The following SIM1 variants were observed in gnomAD, a reference collection of about 807,000 sequenced individuals.
SIM1 encodes the protein single-minded homolog 1.
In SIM1, 18 loss-of-function variants were observed where a neutral mutation model predicts 78.2. The observed-to-expected ratio is 0.23, with a 90% confidence interval of 0.16 to 0.34. The LOEUF is 0.34. SIM1 is among the 10% of genes least tolerant of loss of function. The pLI, the probability that SIM1 is intolerant of heterozygous loss-of-function variation, is 1.00. For synonymous variants in SIM1, 417 were observed against 385.2 expected (o/e 1.08, Z -0.97); for missense variants, 939 against 975.1 (o/e 0.96, Z 0.49).
At chr6:100,446,435 A>T (rs1188648811) in intron 9 of SIM1, among the ~76,000 whole-genome samples, 1 of 152,242 alleles carries the variant, frequency 6.6e-6, no homozygotes, top group Non-Finnish European at 1.5e-5. Flanking sequence ...AGAGCGCAAC[A>T]GCACACACAA....
chr6:100,390,032 C>T lies in SIM1; in HGVS notation c.*329G>A, dbSNP rs1562229037. Reference sequence around the variant, plus strand: ...GTGTGTTTGAGGATCACTGGATAGTCACAATGCAATGTTGTCATTCATCAG... The same window carrying T: ...GTGTGTTTGAGGATCACTGGATAGTTACAATGCAATGTTGTCATTCATCAG... On this transcript the variant is annotated 3_prime_UTR_variant, in exon 12 of 12. Coordinates refer to ENST00000369208, the MANE Select transcript of SIM1 (RefSeq NM_005068.3). 1 of 401,554 alleles carries T rather than the reference C, an allele frequency of 2.5e-6. No individual in the cohort carries two copies. 24.9% of individuals were successfully genotyped at this position (401,554 alleles called of 1,614,324 possible).
intron 9 of SIM1, among the ~76,000 whole-genome samples, chr6:100,429,813 A>T (rs1771855548): frequency 6.6e-6 from 1 of 152,186 alleles, no homozygotes; most frequent in Non-Finnish European, 1.5e-5. Flanking sequence ...ACATTTCCAG[A>T]ATTTCTTCTT....
intron 10 of SIM1, among the ~76,000 whole-genome samples, chr6:100,419,228 T>A (rs1287945789): frequency 6.6e-6 from 1 of 152,202 alleles, no homozygotes; most frequent in Admixed American, 6.5e-5. Flanking sequence ...ATATATTTTA[T>A]AAGTTAAGTG....
At position 100,389,930 on chromosome 6, in the gene SIM1, C is replaced by A. The variant is rs985566567; in HGVS notation, c.*431G>T. ...TGTGACAGAGTCAAAGAAAATTACC[C>A]ATTTTTGATGTATTTACATTACATA... On this transcript the variant is annotated 3_prime_UTR_variant, in exon 12 of 12. Coordinates refer to ENST00000369208, the MANE Select transcript of SIM1 (RefSeq NM_005068.3). 6.4e-5 allele frequency: 25 copies of A among 393,092 alleles called. No homozygotes were observed. Among genetic ancestry groups the A allele is most frequent in the African/African-American group, 4.9e-4 (24 of 48,596 alleles). The allele number at this position is 393,092 out of a possible 1,614,324, so 24.4% of individuals were successfully genotyped here. A position where few individuals can be genotyped will look rare whatever the true frequency, so the allele number is the denominator to read the frequency against.
At chr6:100,423,744 T>G (rs1032176679) in intron 9 of SIM1, among the ~76,000 whole-genome samples, 17 of 152,188 alleles carry the variant, frequency 1.1e-4, no homozygotes, top group Non-Finnish European at 1.5e-4. Context: ...AAAACTCAGA[T>G]GGGCTGTGAG....
At chr6:100,444,630 G>A (rs1429528533) in intron 9 of SIM1, among the ~76,000 whole-genome samples, 1 of 152,024 alleles carries the variant, frequency 6.6e-6, no homozygotes, top group Non-Finnish European at 1.5e-5. Flanking sequence ...AAAGCATCAA[G>A]GCGTATACCA....
chr6:100,393,084 A>G (rs1187623998), intron 11 of SIM1, among the ~76,000 whole-genome samples: 7 of 152,184 alleles, frequency 4.6e-5, no homozygotes, highest in Admixed American at 3.3e-4. Flanking sequence ...CCTCTCCAAC[A>G]TATCAATAGT....
chr6:100,414,630 T>C (rs1037208317), intron 10 of SIM1, among the ~76,000 whole-genome samples: 1 of 152,210 alleles, frequency 6.6e-6, no homozygotes, highest in Admixed American at 6.5e-5. Context: ...TCTGGCAAAA[T>C]GCATTAAAAA....
chr6:100,430,855 A>C (rs1180617009), intron 9 of SIM1, among the ~76,000 whole-genome samples: 1 of 152,134 alleles, frequency 6.6e-6, no homozygotes, highest in East Asian at 1.9e-4. Context: ...GGAGGGGTGA[A>C]GGGAGCATAC....
chr6:100,420,662 C>T, intron 10 of SIM1, 128 bp downstream of exon 10: 1 of 875,156 alleles, frequency 1.1e-6, no homozygotes, highest in Non-Finnish European at 1.8e-6. Flanking sequence ...AGAGAACCTT[C>T]CAGATTTATA....
At chr6:100,414,299 G>A (rs1771344836) in intron 10 of SIM1, among the ~76,000 whole-genome samples, 1 of 152,150 alleles carries the variant, frequency 6.6e-6, no homozygotes, top group South Asian at 2.1e-4. Context: ...TCTCTAACAG[G>A]TTAGCTTTGC....
intron 2 of SIM1, among the ~76,000 whole-genome samples, chr6:100,458,006 T>TCTCTCTCTC (rs1772719502): frequency 1.1e-5 from 1 of 90,250 alleles, no homozygotes; most frequent in African/African-American, 4.2e-5. Flanking sequence ...GTCTCTCTCT[T>TCTCTCTCTC]TCTCTCTCTC....
At chr6:100,435,526 C>G (rs186476939) in intron 9 of SIM1, among the ~76,000 whole-genome samples, 16 of 152,218 alleles carry the variant, frequency 1.1e-4, no homozygotes, top group African/African-American at 3.6e-4. Context: ...TACTCCTCAG[C>G]CTTCCTAAGC....
In SIM1 at chr6:100,393,854, A is replaced by T; in HGVS notation, c.1203T>A (p.Asp401Glu). 6.3e-7 allele frequency: 1 copy of T among 1,591,112 alleles called. No individual in the cohort carries two copies. Among genetic ancestry groups the T allele is most frequent in the Non-Finnish European group, 8.6e-7 (1 of 1,166,308 alleles). The change falls in exon 11 of 12, where the codon GAT becomes GAA. Residue 401 changes from aspartate (D) to glutamate (E), a missense_variant. Around this residue, in one of 5 missense-constraint regions of SIM1, gnomAD observed 556 missense variants for 521.9 expected, o/e 1.07. Transcript: ENST00000369208. ...SGFHTERSESDHDSQWGGSPL... is the reference protein window; with the variant it reads ...SGFHTERSESEHDSQWGGSPL... ...GACTTCCGCCCCACTGGCTGTCATG[A>T]TCAGATTCCGATCTTTCTGTGTGAA...
intron 9 of SIM1, among the ~76,000 whole-genome samples, chr6:100,432,251 G>A (rs538240906): frequency 1.3e-5 from 2 of 152,222 alleles, no homozygotes; most frequent in East Asian, 1.9e-4. Flanking sequence ...ACTTCAGCAC[G>A]CCTCGGAAGC....
chr6:100,421,446 T>C (rs1771582972), intron 9 of SIM1, among the ~76,000 whole-genome samples: 1 of 152,222 alleles, frequency 6.6e-6, no homozygotes, highest in African/African-American at 2.4e-5. Context: ...AACAGGTTAG[T>C]TCAGTTCCTT....
intron 10 of SIM1, among the ~76,000 whole-genome samples, chr6:100,413,861 T>C (rs1771328675): frequency 6.6e-6 from 1 of 152,206 alleles, no homozygotes; most frequent in African/African-American, 2.4e-5. Flanking sequence ...CTTTTGCCTA[T>C]CCCTACTGTT....
chr6:100,429,446 A>G (rs1056229382), intron 9 of SIM1, among the ~76,000 whole-genome samples: 9 of 152,136 alleles, frequency 5.9e-5, no homozygotes, highest in African/African-American at 1.9e-4. Context: ...AAATAATCAA[A>G]TAAGAAGAAC....
chr6:100,450,027 G>T (rs924848315), intron 4 of SIM1, among the ~76,000 whole-genome samples: 1 of 152,174 alleles, frequency 6.6e-6, no homozygotes, highest in African/African-American at 2.4e-5. Flanking sequence ...CTCTCATGTT[G>T]TCTGGCTTGA....
Sources: allele counts gnomAD v4.1 joint callset (sites outside exome capture counted in the v4.1 genomes callset), GRCh38; gene constraint gnomAD v4.1.1; regional missense constraint gnomAD v4.1.1; transcripts MANE v1.5; gene names NCBI Gene and HGNC (gene_info 2026-07-23, HGNC 2026-07-21).